ONECUT3: variants seen among roughly 807,000 people sequenced by gnomAD.
ONECUT3 encodes the protein one cut domain family member 3.
Under a neutral mutation model 16.8 loss-of-function variants are expected in ONECUT3, and 11 were observed. That is an observed-to-expected ratio of 0.66 (90% CI 0.41 to 1.09). The LOEUF (loss-of-function observed/expected upper bound fraction) is 1.09. Ranked by LOEUF, ONECUT3 falls within the 50% of genes least tolerant of loss-of-function variation. ONECUT3 has a pLI of 0.00. For synonymous variants in ONECUT3, 344 were observed against 310.7 expected (o/e 1.11, Z -1.13); for missense variants, 637 against 629.9 (o/e 1.01, Z -0.12).
intron 1 of ONECUT3, among the ~76,000 whole-genome samples, chr19:1,768,985 G>A (rs1217256761): frequency 1.3e-5 from 2 of 150,320 alleles, no homozygotes; most frequent in Admixed American, 6.7e-5. Context: ...AGGTGGAAGT[G>A]GAGGTGGAGG....
chr19:1,753,675 C>A lies in ONECUT3; in HGVS notation c.13C>A (p.Leu5Met). The A allele has an allele frequency of 9.5e-7, 1 of 1,051,156 alleles. No individual in the cohort carries two copies. Among genetic ancestry groups the A allele is most frequent in the Non-Finnish European group, 1.1e-6 (1 of 873,646 alleles). The allele number at this position is 1,051,156 out of a possible 1,614,324, so 65.1% of individuals were successfully genotyped here. A position where few individuals can be genotyped will look rare whatever the true frequency, so the allele number is the denominator to read the frequency against. MELS[L>M]ESLGGLHSVA... ...AGGGCAGCCGAGCATGGAGCTGAGC[C>A]TGGAGAGCCTGGGGGGCCTGCACAG... Residue 5 changes from leucine to methionine, a missense_variant, in exon 1 of 2, where the codon CTG becomes ATG. By Grantham distance (15) the Leu-to-Met change is conservative. This residue lies in a region of ONECUT3 where 419 missense variants were observed against 377.9 expected (regional missense o/e 1.11). Transcript: ENST00000382349.
rs2067967565 is a variant in ONECUT3, at chr19:1,764,523, G to T, written c.1192+9669G>T. Among the ~76,000 whole-genome samples the T allele has an allele frequency of 6.6e-6, 1 of 152,162 alleles. No individual in the cohort carries two copies. Among genetic ancestry groups the T allele is most frequent in the Admixed American group, 6.5e-5 (1 of 15,276 alleles). On this transcript the variant is annotated intron_variant, in intron 1 of 1. Transcript: ENST00000382349. This position sits in a 1 kb window ranked among gnomAD's most constrained non-coding sequence, Gnocchi z 5.0. ...TGAGATGTGGGCAGGGCAGGCATGGGGAGGGTAAGCCACCCAGAGTGGAGG... is the reference window on the plus strand; with the variant it reads ...TGAGATGTGGGCAGGGCAGGCATGGTGAGGGTAAGCCACCCAGAGTGGAGG...
Position 1,775,646 on chromosome 19 carries a change from C to T in ONECUT3, c.*201C>T, listed in dbSNP as rs1409645502. On this transcript the variant is annotated 3_prime_UTR_variant, in exon 2 of 2. Transcript: ENST00000382349. ...CAAAAAGGGCCCCCCTTCCTCCCTCCATGCCCACTCCCTCCAGGCCAAAGG... is the reference window on the plus strand; with the variant it reads ...CAAAAAGGGCCCCCCTTCCTCCCTCTATGCCCACTCCCTCCAGGCCAAAGG... 1.4e-5 allele frequency: 7 copies of T among 496,332 alleles called. No homozygotes were observed. Among genetic ancestry groups the T allele is most frequent in the Non-Finnish European group, 2.5e-5 (7 of 285,540 alleles). 30.7% of individuals were successfully genotyped at this position (496,332 alleles called of 1,614,324 possible).
chr19:1,756,438 C>T (rs1250282192), intron 1 of ONECUT3, among the ~76,000 whole-genome samples: 1 of 152,200 alleles, frequency 6.6e-6, no homozygotes, highest in Non-Finnish European at 1.5e-5. Flanking sequence ...GGCACTCGTG[C>T]GCTCACCATA....
At chr19:1,767,177 GA>G (rs1241471069) in intron 1 of ONECUT3, among the ~76,000 whole-genome samples, 1 of 152,154 alleles carries the variant, frequency 6.6e-6, no homozygotes, top group East Asian at 1.9e-4. Flanking sequence ...GAGGGAGGGG[GA>G]AACTTCGTGG....
In ONECUT3 at chr19:1,775,134, G is replaced by GCCCC. The variant is rs781036246; in HGVS notation, c.1193-16_1193-15insCCCC. On this transcript the variant is annotated intron_variant, in intron 1 of 1. Transcript: ENST00000382349. ...GGCGCTGTGTCCCGCTCGCCCGCCC[G>GCCCC]CCCGCCGCTCGCCCGCAGCCTGCAA... 4 of 725,086 alleles carry GCCCC rather than the reference G, an allele frequency of 5.5e-6. No homozygotes were observed. Among genetic ancestry groups the GCCCC allele is most frequent in the South Asian group, 2.1e-5 (1 of 46,854 alleles). The allele number at this position is 725,086 out of a possible 1,614,324, so 44.9% of individuals were successfully genotyped here. A position where few individuals can be genotyped will look rare whatever the true frequency, so the allele number is the denominator to read the frequency against.
rs561955779 is a variant in ONECUT3 at position 1,776,463 on chromosome 19, G to A, written c.*1018G>A. On this transcript the variant is annotated 3_prime_UTR_variant, in exon 2 of 2. Transcript: ENST00000382349. The surrounding 1 kb of genome is among the most constrained non-coding windows in gnomAD (Gnocchi z 4.9). ...CGCCCCCCTTTCCGCCCGCGTCAGGGTCTGAACTGGGCTTGCAGGGGGGCA... is the reference window on the plus strand; with the variant it reads ...CGCCCCCCTTTCCGCCCGCGTCAGGATCTGAACTGGGCTTGCAGGGGGGCA... 4 of 152,332 alleles carry A rather than the reference G, an allele frequency of 2.6e-5. No homozygotes were observed. The highest frequency in any genetic ancestry group is 2.6e-4 in the Admixed American group (4 of 15,306). The allele number at this position is 152,332 out of a possible 1,614,324, so 9.4% of individuals were successfully genotyped here. A position where few individuals can be genotyped will look rare whatever the true frequency, so the allele number is the denominator to read the frequency against.
Position 1,754,263 on chromosome 19 carries a change from C to A in ONECUT3, c.601C>A (p.Pro201Thr). ...GCCCGCCATGGGGTCGCCGCTGTCG[C>A]CGCTGCCCAACGCGCTGCCGCCCGC... ...ELPAMGSPLS[P>T]LPNALPPALH... is the part of the protein sequence containing the mutation. The change falls in exon 1 of 2, where the codon CCG (proline) becomes ACG (threonine). Residue 201 changes from proline (P) to threonine (T), a missense_variant. Physicochemically the swap from Pro to Thr is conservative, Grantham distance 38. Around this residue, in one of 3 missense-constraint regions of ONECUT3, gnomAD observed 419 missense variants for 377.9 expected, o/e 1.11. Coordinates refer to ENST00000382349, the MANE Select transcript of ONECUT3 (RefSeq NM_001080488.2). This position sits in a 1 kb window ranked among gnomAD's most constrained non-coding sequence, Gnocchi z 7.4. The A allele has an allele frequency of 9.4e-7, 1 of 1,064,976 alleles. No individual in the cohort carries two copies. The highest frequency in any genetic ancestry group is 7.3e-5 in the East Asian group (1 of 13,760). The allele number at this position is 1,064,976 out of a possible 1,614,324, so 66.0% of individuals were successfully genotyped here.
At position 1,754,263 on chromosome 19, in the gene ONECUT3, C is replaced by T; in HGVS notation, c.601C>T (p.Pro201Ser). The T allele has an allele frequency of 9.4e-7, 1 of 1,064,976 alleles. No individual in the cohort carries two copies. Among genetic ancestry groups the T allele is most frequent in the Non-Finnish European group, 1.1e-6 (1 of 884,432 alleles). 66.0% of individuals were successfully genotyped at this position (1,064,976 alleles called of 1,614,324 possible). A position where few individuals can be genotyped will look rare whatever the true frequency, so the allele number is the denominator to read the frequency against. The part of the protein sequence containing the change: ...ELPAMGSPLS[P>S]LPNALPPALH... ...GCCCGCCATGGGGTCGCCGCTGTCG[C>T]CGCTGCCCAACGCGCTGCCGCCCGC... Residue 201 changes from proline (P) to serine (S), a missense_variant, in exon 1 of 2, where the codon CCG becomes TCG. Pro to Ser is a moderately conservative substitution (Grantham distance 74). Coordinates refer to ENST00000382349, the MANE Select transcript of ONECUT3 (RefSeq NM_001080488.2). This position sits in a 1 kb window ranked among gnomAD's most constrained non-coding sequence, Gnocchi z 7.4.
chr19:1,769,001 G>T (rs1409241780), intron 1 of ONECUT3, among the ~76,000 whole-genome samples: 1 of 92,452 alleles, frequency 1.1e-5, no homozygotes, highest in Non-Finnish European at 2.5e-5. Context: ...GGAGGTGATG[G>T]TGGAGGTGGT....
chr19:1,775,433 C>G lies in ONECUT3; in HGVS notation c.1473C>G (p.Phe491Leu). 6.6e-7 allele frequency: 1 copy of G among 1,519,780 alleles called. No homozygotes were observed. The highest frequency in any genetic ancestry group is 8.8e-7 in the Non-Finnish European group (1 of 1,135,824). 94.1% of individuals were successfully genotyped at this position (1,519,780 alleles called of 1,614,324 possible). Reference protein sequence around the residue: ...PGGPAGATATFSKA With the variant: ...PGGPAGATATLSKA ...GCCCCGCCGGCGCCACGGCCACTTT[C>G]TCCAAGGCCTGAGGCGCCCCGGCCC... Residue 491 changes from phenylalanine (F) to leucine (L), a missense_variant, in exon 2 of 2, where the codon TTC (phenylalanine) becomes TTG (leucine). Physicochemically the swap from Phe to Leu is conservative, Grantham distance 22 (BLOSUM62 0). This residue lies in a region of ONECUT3 where 183 missense variants were observed against 188.3 expected (regional missense o/e 0.97). Coordinates refer to ENST00000382349, the MANE Select transcript of ONECUT3 (RefSeq NM_001080488.2).
intron 1 of ONECUT3, among the ~76,000 whole-genome samples, chr19:1,756,203 A>C (rs1163323170): frequency 6.6e-6 from 1 of 151,572 alleles, no homozygotes; most frequent in Non-Finnish European, 1.5e-5. Flanking sequence ...GGACCAGACA[A>C]CCCCCTGGGA....
chr19:1,772,884 T>C (rs1473131629), intron 1 of ONECUT3, among the ~76,000 whole-genome samples: 2 of 124,496 alleles, frequency 1.6e-5, no homozygotes, highest in East Asian at 4.9e-4. Context: ...TTTTTTTTTT[T>C]AGTAGAGACA....
In ONECUT3 at chr19:1,775,687, C is replaced by CG. The variant is rs2068101621; in HGVS notation, c.*242_*243insG. The stretch of plus-strand genomic sequence containing the variant: ...AGGCCAAAGGAAGCCCTCCACCCCC[C>CG]CCCGGAGGGGAGGGAGTGACAGAAA... On this transcript the variant is annotated 3_prime_UTR_variant, in exon 2 of 2. Coordinates refer to ENST00000382349, the MANE Select transcript of ONECUT3 (RefSeq NM_001080488.2). 55 of 392,114 alleles carry CG rather than the reference C, an allele frequency of 1.4e-4. 2 individuals are homozygous for CG. In the South Asian group the frequency reaches 2.5e-3, roughly 18 times the overall value. 24.3% of individuals were successfully genotyped at this position (392,114 alleles called of 1,614,324 possible).
At position 1,754,424 on chromosome 19, in the gene ONECUT3, C is replaced by G. The variant is rs962109683; in HGVS notation, c.762C>G (p.Arg254=). ...AFEPHAALLG[R]AEDALARGLP... is the part of the protein sequence containing the mutation. ...AGCCGCACGCCGCGCTGCTGGGACG[C>G]GCGGAGGACGCACTGGCCCGCGGGC... is the stretch of plus-strand genomic sequence containing the variant. Residue 254 remains arginine, a synonymous_variant, in exon 1 of 2, where the codon CGC becomes CGG. Coordinates refer to ENST00000382349, the MANE Select transcript of ONECUT3 (RefSeq NM_001080488.2). The surrounding 1 kb of genome is among the most constrained non-coding windows in gnomAD (Gnocchi z 7.4). 1.9e-6 allele frequency: 2 copies of G among 1,046,578 alleles called. No individual in the cohort carries two copies. The highest frequency in any genetic ancestry group is 3.1e-5 in the South Asian group (1 of 32,596). 64.8% of individuals were successfully genotyped at this position (1,046,578 alleles called of 1,614,324 possible).
chr19:1,767,836 C>A (rs192826286), intron 1 of ONECUT3, among the ~76,000 whole-genome samples: 1 of 152,082 alleles, frequency 6.6e-6, no homozygotes, highest in African/African-American at 2.4e-5. Context: ...TTGCCGGGCT[C>A]CCTGTGCATG....
Position 1,754,328 on chromosome 19 carries a change from C to G in ONECUT3, c.666C>G (p.Pro222=). Residue 222 remains proline, a synonymous_variant, in exon 1 of 2, where the codon CCC becomes CCG. Coordinates refer to ENST00000382349, the MANE Select transcript of ONECUT3 (RefSeq NM_001080488.2). This position sits in a 1 kb window ranked among gnomAD's most constrained non-coding sequence, Gnocchi z 7.4. Reference sequence around the variant, plus strand: ...CGCAGCCCCCGCCGCCGCCACCACCCCCGCCGCTGGCCGCCTACGGCCCGC... The same window carrying G: ...CGCAGCCCCCGCCGCCGCCACCACCGCCGCCGCTGGCCGCCTACGGCCCGC... ...GAPQPPPPPP[P]PPLAAYGPPG... is the part of the protein sequence containing the mutation. The G allele has an allele frequency of 1.9e-6, 2 of 1,061,764 alleles. No homozygotes were observed. Among genetic ancestry groups the G allele is most frequent in the Non-Finnish European group, 2.3e-6 (2 of 882,782 alleles). The allele number at this position is 1,061,764 out of a possible 1,614,324, so 65.8% of individuals were successfully genotyped here.
At chr19:1,770,606 AT>A (rs1168903129) in intron 1 of ONECUT3, among the ~76,000 whole-genome samples, 1 of 152,226 alleles carries the variant, frequency 6.6e-6, no homozygotes, top group Non-Finnish European at 1.5e-5. Flanking sequence ...GAGTGAGTGA[AT>A]GAATTAAACA....
chr19:1,758,324 A>C lies in ONECUT3; in HGVS notation c.1192+3470A>C, dbSNP rs1425641286. 7.0e-6 allele frequency among the ~76,000 whole-genome samples: 1 copy of C among 143,010 alleles called. No homozygotes were observed. The highest frequency in any genetic ancestry group is 6.9e-5 in the Admixed American group (1 of 14,542). The allele number at this position is 143,010 out of a possible 152,430, so 93.8% of individuals were successfully genotyped here. On this transcript the variant is annotated intron_variant, in intron 1 of 1. Transcript: ENST00000382349. This position sits in a 1 kb window ranked among gnomAD's most constrained non-coding sequence, Gnocchi z 5.9. ...CCAAAAAAAAAAAAAAAAGAGAGAG[A>C]GAGAGAGAGAGACAGAGATGGGAGA...
Sources: gnomAD v4.1 joint callset for allele counts (sites outside exome capture counted in the v4.1 genomes callset) on GRCh38, gnomAD v4.1.1 for gene constraint, gnomAD v4.1.1 regional missense constraint, Gnocchi (gnomAD v3.1) non-coding constraint, MANE v1.5 for transcripts, NCBI Gene and HGNC (gene_info 2026-07-23, HGNC 2026-07-21) for gene names.